Variants in DLC1 observed in about 807,000 individuals in gnomAD.
DLC1 encodes DLC1 Rho GTPase activating protein.
Under a neutral mutation model 140.3 loss-of-function variants are expected in DLC1, and 54 were observed. That is an observed-to-expected ratio of 0.38 (90% confidence interval 0.31 to 0.48). The LOEUF (loss-of-function observed/expected upper bound fraction) is 0.48. Among genes scored for constraint, DLC1 ranks in the 20% least tolerant of loss-of-function variants. The probability of loss-of-function intolerance (pLI) is 0.96; values close to 1 mark genes in which losing one functional copy is unlikely to be tolerated. For synonymous variants in DLC1, 986 were observed against 728.1 expected, an observed-to-expected ratio of 1.35 and a Z score of -5.70; for missense variants, 2,536 against 1,907.0, an observed-to-expected ratio of 1.33 and a Z score of -6.14.
At chr8:13,242,398 T>A (rs1274893643) in intron 5 of DLC1, among the ~76,000 whole-genome samples, 1 of 152,096 alleles carries the variant, frequency 6.6e-6, no homozygotes, top group African/African-American at 2.4e-5. Flanking sequence ...CATCAGTTTT[T>A]TTTTTTTTCT....
chr8:13,487,064 G>T (rs920453793), intron 2 of DLC1, among the ~76,000 whole-genome samples: 4 of 152,140 alleles, frequency 2.6e-5, no homozygotes. Flanking sequence ...TTTCCTTTTG[G>T]AAGTCCTTTG....
intron 5 of DLC1, among the ~76,000 whole-genome samples, chr8:13,296,573 T>C (rs1438665583): frequency 6.6e-6 from 1 of 152,206 alleles, no homozygotes; most frequent in Non-Finnish European, 1.5e-5. Context: ...TGGACATGGA[T>C]AGACCTGAGA....
chr8:13,087,998 C>G (rs1452114706), intron 16 of DLC1, among the ~76,000 whole-genome samples: 1 of 152,218 alleles, frequency 6.6e-6, no homozygotes, highest in African/African-American at 2.4e-5. Context: ...TCAGACCATT[C>G]TCAGCGAGGA....
intron 1 of DLC1, among the ~76,000 whole-genome samples, chr8:13,554,846 A>G (rs956935005): frequency 1.3e-5 from 2 of 152,182 alleles, no homozygotes; most frequent in African/African-American, 4.8e-5. Context: ...AAATATTCTA[A>G]TAGTTATTGA....
At chr8:13,098,221 C>A (rs766640719) in intron 10 of DLC1, among the ~76,000 whole-genome samples, 178 bp downstream of exon 10, 4 of 151,870 alleles carry the variant, frequency 2.6e-5, no homozygotes, top group Non-Finnish European at 4.4e-5. Context: ...CAGAGCAAGA[C>A]CCTGTCTCAA....
intron 1 of DLC1, among the ~76,000 whole-genome samples, chr8:13,528,519 T>C (rs1802991843): frequency 6.6e-6 from 1 of 152,086 alleles, no homozygotes; most frequent in African/African-American, 2.4e-5. Flanking sequence ...TGCTGGAAGG[T>C]TGAATTTCAC....
chr8:13,381,088 C>G (rs1360015496), intron 4 of DLC1, among the ~76,000 whole-genome samples: 1 of 152,128 alleles, frequency 6.6e-6, no homozygotes, highest in African/African-American at 2.4e-5. Flanking sequence ...AGGAGCCTGA[C>G]CTGGCTTGTT....
chr8:13,408,008 G>T (rs532418870), intron 2 of DLC1, among the ~76,000 whole-genome samples: 1 of 152,230 alleles, frequency 6.6e-6, no homozygotes, highest in South Asian at 2.1e-4. Flanking sequence ...TTAGAGCAGT[G>T]AAGATTTTCA....
chr8:13,541,319 A>T (rs1803477034), intron 1 of DLC1, among the ~76,000 whole-genome samples: 3 of 150,122 alleles, frequency 2.0e-5, no homozygotes, highest in African/African-American at 7.6e-5. Context: ...AAATACCTAG[A>T]AATGGAATTC....
rs551915292 is a variant in DLC1 at position 13,111,218 on chromosome 8, G to A, written c.1421-395C>T. On this transcript the variant is annotated intron_variant, in intron 6 of 17. Transcript: ENST00000276297. The stretch of plus-strand genomic sequence containing the variant: ...TATGTGTGTGTGTCTTTGCTCACGT[G>A]TGATCAGGGAAAGGTCACGGAAAGA... 5.9e-5 allele frequency among the ~76,000 whole-genome samples: 9 copies of A among 152,278 alleles called. No homozygotes were observed. In the South Asian group the frequency reaches 1.7e-3, roughly 28 times the overall value.
chr8:13,449,635 A>C (rs1487094213), intron 2 of DLC1, among the ~76,000 whole-genome samples: 1 of 146,818 alleles, frequency 6.8e-6, no homozygotes. Flanking sequence ...ACACTTGGAC[A>C]CGGGAAGGGG....
At chr8:13,101,627 G>C (rs528023402) in intron 8 of DLC1, among the ~76,000 whole-genome samples, 5 of 152,250 alleles carry the variant, frequency 3.3e-5, no homozygotes, top group African/African-American at 1.2e-4. Context: ...CAGTGCTTTG[G>C]AGACTCTTAC....
intron 5 of DLC1, among the ~76,000 whole-genome samples, chr8:13,234,089 C>T (rs1241059085): frequency 6.6e-6 from 1 of 152,046 alleles, no homozygotes; most frequent in Admixed American, 6.6e-5. Flanking sequence ...TTCAGTAGGC[C>T]AATGACAACA....
rs568661223 is a variant in DLC1 at position 13,345,747 on chromosome 8, T to TG, written c.1315-40446dup. ...TCATTTTTTATGTTTTTGGTAGAGATGGGGTTTCACCATGTTGGCCAGGCT... is the reference window on the plus strand; with the variant it reads ...TCATTTTTTATGTTTTTGGTAGAGATGGGGGTTTCACCATGTTGGCCAGGCT... On this transcript the variant is annotated intron_variant, in intron 4 of 17. Transcript: ENST00000276297. Among the ~76,000 whole-genome samples the TG allele has an allele frequency of 2.7e-3, 403 of 151,880 alleles. 4 individuals carry two copies. Among genetic ancestry groups the TG allele is most frequent in the African/African-American group, 9.1e-3 (375 of 41,434 alleles).
At chr8:13,358,610 A>C (rs191778744) in intron 4 of DLC1, among the ~76,000 whole-genome samples, 10 of 152,234 alleles carry the variant, frequency 6.6e-5, no homozygotes, top group African/African-American at 2.2e-4. Context: ...TTATCTATTA[A>C]AGTTTGTCTT....
chr8:13,373,660 A>G (rs1835831049), intron 4 of DLC1, among the ~76,000 whole-genome samples: 1 of 152,236 alleles, frequency 6.6e-6, no homozygotes, highest in South Asian at 2.1e-4. Flanking sequence ...CAGAAAGTAC[A>G]TCTACTATAT....
chr8:13,435,560 C>T (rs868190580), intron 2 of DLC1, among the ~76,000 whole-genome samples: 4 of 152,120 alleles, frequency 2.6e-5, no homozygotes, highest in Admixed American at 6.6e-5. Flanking sequence ...GTGATCCGCC[C>T]GCCTCGGCCT....
At chr8:13,441,359 G>A (rs1380678195) in intron 2 of DLC1, among the ~76,000 whole-genome samples, 1 of 152,094 alleles carries the variant, frequency 6.6e-6, no homozygotes, top group Non-Finnish European at 1.5e-5. Context: ...TTCTGGCCAG[G>A]GCAATCAGGC....
chr8:13,519,644 T>C (rs1397837725), upstream of DLC1, among the ~76,000 whole-genome samples: 5 of 152,170 alleles, frequency 3.3e-5, no homozygotes, highest in African/African-American at 9.7e-5. Context: ...TTATCAAAAG[T>C]AGCAAAATCA....
Sources: allele counts gnomAD v4.1 joint callset (sites outside exome capture counted in the v4.1 genomes callset), GRCh38; gene constraint gnomAD v4.1.1; transcripts MANE v1.5; gene names NCBI Gene and HGNC (gene_info 2026-07-23, HGNC 2026-07-21).